The following FAM98A variants were observed in gnomAD, a reference collection of about 807,000 sequenced individuals.
FAM98A encodes tRNA splicing ligase complex subunit 3A, also known as protein FAM98A.
Under a neutral mutation model 62.9 loss-of-function variants are expected in FAM98A, and 25 were observed. That is an observed-to-expected ratio of 0.40 (90% confidence interval 0.29 to 0.56). FAM98A has a LOEUF of 0.56. FAM98A is among the 20% of genes least tolerant of loss of function. The probability of loss-of-function intolerance (pLI) is 0.51; values close to 1 mark genes in which losing one functional copy is unlikely to be tolerated. For missense variants in FAM98A, 653 were observed against 640.7 expected (o/e 1.02, Z -0.21); for synonymous variants, 252 against 228.6 (o/e 1.10, Z -0.92).
intron 3 of FAM98A, among the ~76,000 whole-genome samples, chr2:33,591,257 T>C (rs1227326214): frequency 6.6e-6 from 1 of 151,818 alleles, no homozygotes; most frequent in Non-Finnish European, 1.5e-5. Flanking sequence ...GAAACCATAA[T>C]AGAGTTGTAA....
chr2:33,596,262 TC>T (rs1174007617), intron 1 of FAM98A, among the ~76,000 whole-genome samples: 2 of 152,232 alleles, frequency 1.3e-5, no homozygotes, highest in African/African-American at 4.8e-5. Context: ...ACCATTTATA[TC>T]ATTTTTATAA....
At position 33,587,239 on chromosome 2, in the gene FAM98A, C is replaced by T; in HGVS notation, c.603+1G>A. On this transcript the variant is annotated splice_donor_variant, in intron 5 of 7. Transcript: ENST00000238823. LOFTEE classifies it high-confidence loss of function. ...GTTTACTCAAGATGATTACTACTCA[C>T]CCAGTGGGCTGGTCCCATTGGCTTC... The T allele has an allele frequency of 6.3e-7, 1 of 1,578,318 alleles. No individual in the cohort carries two copies. Among genetic ancestry groups the T allele is most frequent in the Non-Finnish European group, 8.7e-7 (1 of 1,147,464 alleles).
At chr2:33,591,291 T>C (rs564105370) in intron 3 of FAM98A, among the ~76,000 whole-genome samples, 2 of 152,260 alleles carry the variant, frequency 1.3e-5, no homozygotes, top group African/African-American at 4.8e-5. Context: ...AAAAATCCTC[T>C]GAATTGTCTG....
Position 33,599,218 on chromosome 2 carries a change from C to G in FAM98A, c.4G>C (p.Glu2Gln), listed in dbSNP as rs1416807878. 7 of 1,613,652 alleles carry G rather than the reference C, an allele frequency of 4.3e-6. No individual in the cohort carries two copies. Among genetic ancestry groups the G allele is most frequent in the Non-Finnish European group, 5.1e-6 (6 of 1,179,516 alleles). Reference protein sequence around the residue: MECDLMETDILE... With the variant: MQCDLMETDILE... ...ATGTCAGTCTCCATGAGGTCACACT[C>G]CATGCTACTGTGGTATTCAAATTTC... The change falls in exon 1 of 8, where the codon GAG (glutamate) becomes CAG (glutamine). Residue 2 changes from glutamate to glutamine, a missense_variant. Glu to Gln is a conservative substitution (Grantham distance 29). Transcript: ENST00000238823.
At chr2:33,586,495 A>G in intron 6 of FAM98A, 67 bp downstream of exon 6, 1 of 1,066,260 alleles carries the variant, frequency 9.4e-7, no homozygotes, top group Non-Finnish European at 1.4e-6. Context: ...CCAAGTAGCT[A>G]AATTGTTTAG....
Position 33,584,445 on chromosome 2 carries a change from GA to G in FAM98A, c.*330del. ...TTTCAAAACTGCATATTGAAAACATGAAAACTACTTATTCAAGTAATTTCTT... is the reference window on the plus strand; with the variant it reads ...TTTCAAAACTGCATATTGAAAACATGAAACTACTTATTCAAGTAATTTCTT... On this transcript the variant is annotated 3_prime_UTR_variant, in exon 8 of 8. Coordinates refer to ENST00000238823, the MANE Select transcript of FAM98A (RefSeq NM_015475.5). 3.7e-6 allele frequency: 1 copy of G among 273,814 alleles called. No homozygotes were observed. Among genetic ancestry groups the G allele is most frequent in the East Asian group, 6.9e-5 (1 of 14,466 alleles). 17.0% of individuals were successfully genotyped at this position (273,814 alleles called of 1,614,324 possible). A position where few individuals can be genotyped will look rare whatever the true frequency, so the allele number is the denominator to read the frequency against.
rs1677525575 is a variant in FAM98A at position 33,585,456 on chromosome 2, G to GA, written c.889-13dup. 1 of 1,613,532 alleles carries GA rather than the reference G, an allele frequency of 6.2e-7. No homozygotes were observed. The highest frequency in any genetic ancestry group is 8.5e-7 in the Non-Finnish European group (1 of 1,179,816). Reference sequence around the variant, plus strand: ...CTGCCCATCAACACCTACAGAATAGGAAAGATATTTTAAACTTTTATTTTA... The same window carrying GA: ...CTGCCCATCAACACCTACAGAATAGGAAAAGATATTTTAAACTTTTATTTTA... On this transcript the variant is annotated splice_polypyrimidine_tract_variant and intron_variant, in intron 7 of 7. Transcript: ENST00000238823.
chr2:33,587,747 GTTCTC>G (rs1677589054), intron 4 of FAM98A: 1 of 172,492 alleles, frequency 5.8e-6, no homozygotes, highest in South Asian at 1.3e-4. Flanking sequence ...AACAAATACC[GTTCTC>G]TTCTACTCAT....
At chr2:33,592,282 T>C in intron 2 of FAM98A, 68 bp from the exon 3 acceptor site, 1 of 1,240,134 alleles carries the variant, frequency 8.1e-7, no homozygotes. Context: ...ACAATTATTA[T>C]ATATAATTGA....
At chr2:33,587,435 G>A (rs1174443834) in intron 4 of FAM98A, 115 bp from the exon 5 acceptor site, 1 of 807,040 alleles carries the variant, frequency 1.2e-6, no homozygotes, top group Admixed American at 2.1e-5. Flanking sequence ...GGCAAAGGTG[G>A]AGGATGTTTT....
In FAM98A at chr2:33,586,524, T is replaced by C; in HGVS notation, c.720+38A>G. ...TGTTTAGATGTTCAGGGATCATGTC[T>C]ATAAATAGTCTGCTCTTTTAAATTA... On this transcript the variant is annotated intron_variant, in intron 6 of 7. Coordinates refer to ENST00000238823, the MANE Select transcript of FAM98A (RefSeq NM_015475.5). 2.3e-6 allele frequency: 3 copies of C among 1,329,192 alleles called. No homozygotes were observed. The Admixed American group carries it at 5.1e-5, about 22-fold the overall frequency. 82.3% of individuals were successfully genotyped at this position (1,329,192 alleles called of 1,614,324 possible).
intron 6 of FAM98A, among the ~76,000 whole-genome samples, 155 bp from the exon 7 acceptor site, chr2:33,585,852 ATAGTCAAGAAC>A (rs1354242665): frequency 6.6e-6 from 1 of 152,210 alleles, no homozygotes; most frequent in Non-Finnish European, 1.5e-5. Context: ...CTGCTCCTAC[ATAGTCAAGAAC>A]TACCTTAAAA....
intron 4 of FAM98A, among the ~76,000 whole-genome samples, chr2:33,587,851 C>T (rs1677590818): frequency 6.6e-6 from 1 of 150,924 alleles, no homozygotes; most frequent in South Asian, 2.1e-4. Flanking sequence ...TTTCTTTTCA[C>T]ATACTAGATT....
At chr2:33,596,772 G>C (rs2151147893) in intron 1 of FAM98A, among the ~76,000 whole-genome samples, 1 of 151,578 alleles carries the variant, frequency 6.6e-6, no homozygotes, top group East Asian at 1.9e-4. Context: ...GGCGCCTGTA[G>C]TCTCAGCTAC....
chr2:33,589,361 T>C (rs568339065), intron 3 of FAM98A: 155 of 152,316 alleles, frequency 1.0e-3, no homozygotes, highest in African/African-American at 3.6e-3. Context: ...TCAATTTTTA[T>C]AAAAGATGAT....
chr2:33,584,785 G>GT lies in FAM98A; in HGVS notation c.1547dup (p.Tyr516Ter). ...NHSGFGQGRH[Y>*]TS ...GTAAGGTTCGGTAGCCTCAACTAGT[G>GT]TAATGTCTTCCCTGTCCAAATCCAG... The change falls in exon 8 of 8, where the codon TAC becomes TAAC. Residue 516 changes from tyrosine (Y) to a stop codon, truncating the protein, a stop_gained and frameshift_variant. Coordinates refer to ENST00000238823, the MANE Select transcript of FAM98A (RefSeq NM_015475.5). LOFTEE classifies it high-confidence loss of function. The GT allele has an allele frequency of 6.3e-7, 1 of 1,598,696 alleles. No homozygotes were observed. Among genetic ancestry groups the GT allele is most frequent in the African/African-American group, 1.3e-5 (1 of 74,766 alleles).
chr2:33,585,824 A>G, intron 6 of FAM98A, 127 bp from the exon 7 acceptor site: 2 of 803,358 alleles, frequency 2.5e-6, no homozygotes, highest in South Asian at 3.6e-5. Context: ...GATGGTAGGA[A>G]AAGTTATATA....
At chr2:33,596,021 A>G (rs1036782364) in intron 1 of FAM98A, among the ~76,000 whole-genome samples, 21 of 152,238 alleles carry the variant, frequency 1.4e-4, no homozygotes, top group Admixed American at 1.3e-4. Flanking sequence ...CTTATTTCAG[A>G]AATAAAACTT....
chr2:33,584,995 A>C lies in FAM98A; in HGVS notation c.1338T>G (p.Asn446Lys). ...CATGGTGCCCGCCATCTTGGTATCTATTGTCCTGCTGGTAGCCACCACCCT... is the reference window on the plus strand; with the variant it reads ...CATGGTGCCCGCCATCTTGGTATCTCTTGTCCTGCTGGTAGCCACCACCCT... ...GYQGGGYQQD[N>K]RYQDGGHHGD... Residue 446 changes from asparagine to lysine, a missense_variant, in exon 8 of 8, where the codon AAT becomes AAG. Asn to Lys is a moderately conservative substitution (Grantham distance 94). Transcript: ENST00000238823. The C allele has an allele frequency of 6.2e-7, 1 of 1,613,642 alleles. No individual in the cohort carries two copies. Among genetic ancestry groups the C allele is most frequent in the Non-Finnish European group, 8.5e-7 (1 of 1,179,934 alleles).
Sources: gnomAD v4.1 joint callset for allele counts (sites outside exome capture counted in the v4.1 genomes callset) on GRCh38, gnomAD v4.1.1 for gene constraint, MANE v1.5 for transcripts, NCBI Gene and HGNC (gene_info 2026-07-23, HGNC 2026-07-21) for gene names.